XRCC4: variants seen among roughly 807,000 people sequenced by gnomAD.
XRCC4 encodes the protein DNA repair protein XRCC4.
XRCC4 carries 28 observed loss-of-function variants against 39.1 expected under a neutral mutation model. The ratio of observed to expected loss-of-function variants is 0.72; its 90% CI spans 0.53 to 0.98. The LOEUF is 0.98. Ranked by LOEUF, XRCC4 falls within the 50% of genes least tolerant of loss-of-function variation. XRCC4 has a pLI of 0.00. For synonymous variants in XRCC4, 123 were observed against 126.4 expected, an observed-to-expected ratio of 0.97 and a Z score of 0.18; for missense variants, 350 against 376.4, an observed-to-expected ratio of 0.93 and a Z score of 0.58.
chr5:83,142,110 G>A (rs560669761), intron 3 of XRCC4, among the ~76,000 whole-genome samples: 1 of 152,122 alleles, frequency 6.6e-6, no homozygotes, highest in South Asian at 2.1e-4. Flanking sequence ...TTGAATTGTG[G>A]GCTGGCGTTT....
At chr5:83,267,427 C>T (rs1288957324) in intron 7 of XRCC4, among the ~76,000 whole-genome samples, 3 of 152,152 alleles carry the variant, frequency 2.0e-5, no homozygotes, top group Non-Finnish European at 4.4e-5. Context: ...GCTACAATTC[C>T]CAGCCTCACT....
At chr5:83,221,593 T>C (rs1047281425) in intron 6 of XRCC4, among the ~76,000 whole-genome samples, 4 of 152,080 alleles carry the variant, frequency 2.6e-5, no homozygotes, top group Non-Finnish European at 5.9e-5. Flanking sequence ...TTAAAAGAGG[T>C]GAAATATATT....
intron 4 of XRCC4, among the ~76,000 whole-genome samples, chr5:83,198,207 TC>T (rs1421507338): frequency 2.0e-5 from 3 of 152,102 alleles, no homozygotes; most frequent in Admixed American, 2.0e-4. Flanking sequence ...GGGGGAAGCC[TC>T]CGATTATTTT....
At chr5:83,347,421 C>G (rs930919714) in intron 7 of XRCC4, among the ~76,000 whole-genome samples, 1 of 152,080 alleles carries the variant, frequency 6.6e-6, no homozygotes, top group African/African-American at 2.4e-5. Context: ...AGGAAACTTA[C>G]AATCATGGTG....
chr5:83,265,679 G>A (rs1753929637), intron 7 of XRCC4, among the ~76,000 whole-genome samples: 2 of 152,064 alleles, frequency 1.3e-5, no homozygotes, highest in South Asian at 4.1e-4. Context: ...ATACAAAAAG[G>A]ACAAAAACTT....
At chr5:83,281,151 A>G (rs550110625) in intron 7 of XRCC4, among the ~76,000 whole-genome samples, 43 of 152,358 alleles carry the variant, frequency 2.8e-4, no homozygotes, top group African/African-American at 8.7e-4. Flanking sequence ...TCAGGTTTCA[A>G]CTGTGTAATT....
chr5:83,137,528 A>G (rs971283822), intron 3 of XRCC4, among the ~76,000 whole-genome samples: 2 of 152,138 alleles, frequency 1.3e-5, no homozygotes, highest in African/African-American at 2.4e-5. Context: ...GGAGAATCAT[A>G]TTGTGCATCT....
chr5:83,124,638 A>G (rs996167192), intron 3 of XRCC4, among the ~76,000 whole-genome samples: 1 of 152,192 alleles, frequency 6.6e-6, no homozygotes, highest in Non-Finnish European at 1.5e-5. Context: ...ATTTAGTACA[A>G]GGGTTGGCAA....
At chr5:83,313,186 C>T (rs994933671) in intron 7 of XRCC4, among the ~76,000 whole-genome samples, 12 of 151,340 alleles carry the variant, frequency 7.9e-5, no homozygotes, top group Non-Finnish European at 1.8e-4. Context: ...TTCTTATATT[C>T]CACCCTGCCT....
intron 7 of XRCC4, among the ~76,000 whole-genome samples, chr5:83,276,027 C>T (rs187583959): frequency 2.0e-5 from 3 of 152,212 alleles, no homozygotes; most frequent in East Asian, 3.9e-4. Flanking sequence ...TACAGACAGT[C>T]CCTGATTTAC....
intron 6 of XRCC4, among the ~76,000 whole-genome samples, chr5:83,219,543 G>C (rs1222481942): frequency 6.6e-6 from 1 of 152,146 alleles, no homozygotes; most frequent in Admixed American, 6.5e-5. Context: ...AGAAGAGAAA[G>C]TAACAGCATT....
chr5:83,362,509 C>T, the XRCC4 span, among the ~76,000 whole-genome samples: 1 of 152,046 alleles, frequency 6.6e-6, no homozygotes, highest in African/African-American at 2.4e-5. Flanking sequence ...TTACCAAAGG[C>T]TATGTGTATT....
chr5:83,305,382 A>C (rs1407771609), intron 7 of XRCC4, among the ~76,000 whole-genome samples: 2 of 152,144 alleles, frequency 1.3e-5, no homozygotes, highest in African/African-American at 4.8e-5. Context: ...TGGTAAAATA[A>C]ATTTAAGAAA....
At chr5:83,182,708 C>T (rs182978566) in intron 3 of XRCC4, among the ~76,000 whole-genome samples, 5 of 152,144 alleles carry the variant, frequency 3.3e-5, no homozygotes, top group African/African-American at 9.6e-5. Flanking sequence ...GGAGGTGATT[C>T]GGTACTGAGG....
At chr5:83,221,301 T>C (rs979341814) in intron 6 of XRCC4, among the ~76,000 whole-genome samples, 2 of 152,120 alleles carry the variant, frequency 1.3e-5, no homozygotes, top group African/African-American at 4.8e-5. Flanking sequence ...TTCTATGAGG[T>C]ATATACTATT....
At chr5:83,197,796 A>G (rs1041267065) in intron 4 of XRCC4, among the ~76,000 whole-genome samples, 2 of 152,154 alleles carry the variant, frequency 1.3e-5, no homozygotes, top group East Asian at 1.9e-4. Flanking sequence ...TTCAGGGTCT[A>G]TAGATGTGTG....
chr5:83,258,381 T>C, intron 6 of XRCC4, 149 bp from the exon 7 acceptor site: 1 of 911,010 alleles, frequency 1.1e-6, no homozygotes, highest in Non-Finnish European at 1.6e-6. Context: ...TCTAACTGAC[T>C]TGATTCAACA....
intron 3 of XRCC4, among the ~76,000 whole-genome samples, chr5:83,135,807 A>G (rs1446053645): frequency 2.6e-5 from 4 of 152,166 alleles, no homozygotes; most frequent in Admixed American, 2.6e-4. Context: ...GAACATAGGG[A>G]ATAAAATTGT....
chr5:83,180,367 T>C (rs950183227), intron 3 of XRCC4, among the ~76,000 whole-genome samples: 1 of 152,098 alleles, frequency 6.6e-6, no homozygotes, highest in African/African-American at 2.4e-5. Context: ...AACACTGGAA[T>C]TAAGATTTGG....
Sources: gnomAD v4.1 joint callset for allele counts (sites outside exome capture counted in the v4.1 genomes callset) on GRCh38, gnomAD v4.1.1 for gene constraint, MANE v1.5 for transcripts, NCBI Gene and HGNC (gene_info 2026-07-23, HGNC 2026-07-21) for gene names.